The following NOM1 variants were observed in gnomAD, a reference collection of about 807,000 sequenced individuals.
The protein encoded by NOM1 is nucleolar MIF4G domain-containing protein 1.
A neutral mutation model predicts 73.3 loss-of-function variants in NOM1; 58 were observed. The ratio of observed to expected loss-of-function variants is 0.79; its 90% CI spans 0.64 to 0.99. The LOEUF (loss-of-function observed/expected upper bound fraction) is 0.99. Among genes scored for constraint, NOM1 ranks in the 50% least tolerant of loss-of-function variants. NOM1 has a pLI of 0.00. For synonymous variants in NOM1, 487 were observed against 446.8 expected, an observed-to-expected ratio of 1.09 and a Z score of -1.14; for missense variants, 1,226 against 1,131.9, an observed-to-expected ratio of 1.08 and a Z score of -1.19.
In NOM1 at chr7:156,969,115, C is replaced by G. The variant is rs1478275403; in HGVS notation, c.2327C>G (p.Pro776Arg). The G allele has an allele frequency of 6.3e-7, 1 of 1,593,814 alleles. No homozygotes were observed. Among genetic ancestry groups the G allele is most frequent in the African/African-American group, 1.3e-5 (1 of 74,698 alleles). The change falls in exon 10 of 11, where the codon CCC becomes CGC. Residue 776 changes from proline to arginine, a missense_variant. Transcript: ENST00000275820. ...GTTGAATTCAGTGAATTGGACAAAC[C>G]CAGAGTCCGTTTTTTACGAAAAGTA... The part of the protein sequence containing the change: ...KVVEFSELDK[P>R]RVRFLRKVLS...
chr7:156,951,773 T>C (rs1338449592), intron 1 of NOM1, among the ~76,000 whole-genome samples: 2 of 151,886 alleles, frequency 1.3e-5, no homozygotes, highest in Non-Finnish European at 2.9e-5. Flanking sequence ...AGTGGTGCAG[T>C]CTCCGCCCAC....
At position 156,959,905 on chromosome 7, in the gene NOM1, T is replaced by C. The variant is rs767212954; in HGVS notation, c.1363T>C (p.Tyr455His). 6 of 1,614,228 alleles carry C rather than the reference T, an allele frequency of 3.7e-6. No homozygotes were observed. In the Admixed American group the frequency reaches 1.0e-4, roughly 27 times the overall value. Residue 455 changes from tyrosine to histidine, a missense_variant, in exon 4 of 11, where the codon TAC becomes CAC. By Grantham distance (83) the Tyr-to-His change is moderately conservative. Transcript: ENST00000275820. Reference protein sequence around the residue: ...VVRKFDAIYKYGSEGKECDNL... With the variant: ...VVRKFDAIYKHGSEGKECDNL... ...GAGGAAGTTCGATGCCATCTATAAA[T>C]ACGGAAGCGAAGGGAAAGAGTGTGA... is the stretch of plus-strand genomic sequence containing the variant.
intron 3 of NOM1, among the ~76,000 whole-genome samples, chr7:156,954,858 C>T (rs1016871379): frequency 1.3e-5 from 2 of 152,248 alleles, no homozygotes; most frequent in Non-Finnish European, 1.5e-5. Flanking sequence ...TTCTTCTCGA[C>T]TGACATCTCA....
rs1004889181 is a variant in NOM1 at position 156,952,545 on chromosome 7, G to A, written c.1059G>A (p.Lys353=). 1.2e-6 allele frequency: 2 copies of A among 1,613,920 alleles called. No individual in the cohort carries two copies. The highest frequency in any genetic ancestry group is 1.7e-6 in the Non-Finnish European group (2 of 1,179,974). The change falls in exon 2 of 11, where the codon AAG becomes AAA. Residue 353 remains lysine, a synonymous_variant. Transcript: ENST00000275820. The part of the protein sequence containing the change: ...VRQAEETVDF[K]KKEELERLKK... ...AAGCTGAGGAGACAGTGGACTTCAA[G>A]AAAAAGGAAGAACTAGAAAGGCTGA... is the stretch of plus-strand genomic sequence containing the variant.
intron 7 of NOM1, 88 bp downstream of exon 7, chr7:156,964,114 GTC>G: frequency 7.2e-7 from 1 of 1,392,014 alleles, no homozygotes; most frequent in Non-Finnish European, 9.9e-7. Context: ...GGACGACTGA[GTC>G]TGATGCTGCC....
At chr7:156,967,143 T>C in intron 9 of NOM1, 51 bp downstream of exon 9, 1 of 1,585,918 alleles carries the variant, frequency 6.3e-7, no homozygotes. Flanking sequence ...GGAGTGTAAT[T>C]GTTTAGTACC....
rs114813001 is a variant in NOM1, at chr7:156,963,933, G to A, written c.1940G>A (p.Arg647Gln). The A allele has an allele frequency of 1.8e-5, 29 of 1,613,998 alleles. No homozygotes were observed. The East Asian group carries it at 2.9e-4, about 16-fold the overall frequency. Residue 647 changes from arginine (R) to glutamine (Q), a missense_variant, in exon 7 of 11, where the codon CGG becomes CAG. Arg to Gln is a conservative substitution (Grantham distance 43). Coordinates refer to ENST00000275820, the MANE Select transcript of NOM1 (RefSeq NM_138400.2). Reference sequence around the variant, plus strand: ...AGTTCAAAGATCCTAGAACTCGCCCGGAAGCAGAGGATGAACACAGACATC... The same window carrying A: ...AGTTCAAAGATCCTAGAACTCGCCCAGAAGCAGAGGATGAACACAGACATC... ...TVSSKILELA[R>Q]KQRMNTDIRR...
At chr7:156,952,720 C>G in intron 2 of NOM1, 122 bp downstream of exon 2, 1 of 1,123,784 alleles carries the variant, frequency 8.9e-7, no homozygotes, top group Non-Finnish European at 1.3e-6. Context: ...CCTTTCTGTT[C>G]TTGGCTTGAT....
intron 9 of NOM1, among the ~76,000 whole-genome samples, chr7:156,967,514 G>C (rs1420683346): frequency 6.6e-6 from 1 of 151,578 alleles, no homozygotes; most frequent in Non-Finnish European, 1.5e-5. Flanking sequence ...CTTTGCAGTG[G>C]ACCATGAAAC....
chr7:156,952,702 G>A (rs1194056130), intron 2 of NOM1, 104 bp downstream of exon 2: 8 of 1,260,996 alleles, frequency 6.3e-6, no homozygotes, highest in African/African-American at 1.5e-5. Flanking sequence ...GGGGACAGTC[G>A]ATTGGATCCT....
chr7:156,960,440 G>A (rs1804836699), intron 4 of NOM1, among the ~76,000 whole-genome samples: 1 of 152,212 alleles, frequency 6.6e-6, no homozygotes, highest in Non-Finnish European at 1.5e-5. Context: ...TGGGGCTCTA[G>A]GGTCAGCCTG....
rs915219557 is a variant in NOM1, at chr7:156,951,833, A to G, written c.988-641A>G. 2.0e-5 allele frequency among the ~76,000 whole-genome samples: 3 copies of G among 151,856 alleles called. No homozygotes were observed. The East Asian group carries it at 5.8e-4, about 29-fold the overall frequency. Reference sequence around the variant, plus strand: ...TGCCATTCTCCTGCCTCATCTCCCAAGTAGCTGGGACTACAGGCGCCCACC... The same window carrying G: ...TGCCATTCTCCTGCCTCATCTCCCAGGTAGCTGGGACTACAGGCGCCCACC... On this transcript the variant is annotated intron_variant, in intron 1 of 10. Coordinates refer to ENST00000275820, the MANE Select transcript of NOM1 (RefSeq NM_138400.2).
chr7:156,950,085 C>A lies in NOM1; in HGVS notation c.348C>A (p.Ala116=), dbSNP rs3750135. ...CCGGCCTGGGAGGCCGAAGCGGAGC[C>A]GAAGAAGCCAGCGGTCACCGGCAGG... ...QGPGLGGRSG[A]EEASGHRQDT... is the part of the protein sequence containing the mutation. The change falls in exon 1 of 11, where the codon GCC becomes GCA. Residue 116 remains alanine (A), a synonymous_variant. Coordinates refer to ENST00000275820, the MANE Select transcript of NOM1 (RefSeq NM_138400.2). 0.041 allele frequency: 62,725 copies of A among 1,545,930 alleles called. 1,806 individuals are homozygous for A. The highest frequency in any genetic ancestry group is 0.18 in the East Asian group (7,276 of 40,924).
intron 3 of NOM1, among the ~76,000 whole-genome samples, chr7:156,957,774 CAAAA>C (rs10549596): frequency 2.6e-5 from 3 of 115,536 alleles, no homozygotes; most frequent in Non-Finnish European, 1.7e-5. Context: ...GACTCCGTCT[CAAAA>C]AAAAAAAAAA....
rs1408035845 is a variant in NOM1 at position 156,963,986 on chromosome 7, A to G, written c.1993A>G (p.Thr665Ala). Residue 665 changes from threonine to alanine, a missense_variant, in exon 7 of 11, where the codon ACA (threonine) becomes GCA (alanine). Thr to Ala is a moderately conservative substitution (Grantham distance 58, BLOSUM62 0). Transcript: ENST00000275820. ...IRRNIFCTIM[T>A]SEDFLDAFEK... ...GAGAAACATATTCTGCACAATAATG[A>G]CAAGTGAAGATTTTTTGGATGCTTT... 1 of 1,614,014 alleles carries G rather than the reference A, an allele frequency of 6.2e-7. No individual in the cohort carries two copies. The highest frequency in any genetic ancestry group is 1.3e-5 in the African/African-American group (1 of 75,064).
In NOM1 at chr7:156,962,200, G is replaced by T. The variant is rs375066764; in HGVS notation, c.1682G>T (p.Arg561Leu). ...TMLALKNNDM[R>L]KIPGYDPEPV... Reference sequence around the variant, plus strand: ...TTGGCCCTGAAGAACAATGACATGCGCAAAATTCCAGGCTATGACCCCGAG... The same window carrying T: ...TTGGCCCTGAAGAACAATGACATGCTCAAAATTCCAGGCTATGACCCCGAG... The change falls in exon 5 of 11, where the codon CGC (arginine) becomes CTC (leucine). Residue 561 changes from arginine to leucine, a missense_variant. Transcript: ENST00000275820. The T allele has an allele frequency of 2.5e-6, 4 of 1,613,960 alleles. No homozygotes were observed. Among genetic ancestry groups the T allele is most frequent in the Non-Finnish European group, 3.4e-6 (4 of 1,179,986 alleles).
intron 9 of NOM1, chr7:156,968,861 G>A (rs1356449386): frequency 1.3e-5 from 6 of 469,104 alleles, no homozygotes; most frequent in Admixed American, 3.8e-5. Context: ...TGTTCTCAAC[G>A]GTGGCTGTGG....
chr7:156,961,339 G>A (rs890309168), intron 4 of NOM1, among the ~76,000 whole-genome samples: 6 of 152,158 alleles, frequency 3.9e-5, no homozygotes, highest in African/African-American at 1.2e-4. Flanking sequence ...TTGTGACGGC[G>A]GTCCTGACTG....
chr7:156,951,391 A>G (rs77213825), intron 1 of NOM1, among the ~76,000 whole-genome samples: 1 of 150,602 alleles, frequency 6.6e-6, no homozygotes, highest in South Asian at 2.1e-4. Flanking sequence ...TGTTTCAAAG[A>G]AAAAAAAAAG....
Sources: gnomAD v4.1 joint callset for allele counts (sites outside exome capture counted in the v4.1 genomes callset) on GRCh38, gnomAD v4.1.1 for gene constraint, MANE v1.5 for transcripts, NCBI Gene and HGNC (gene_info 2026-07-23, HGNC 2026-07-21) for gene names.